GPR158: variants seen among roughly 807,000 people sequenced by gnomAD.
GPR158 encodes metabotropic glycine receptor.
A neutral mutation model predicts 78.2 loss-of-function variants in GPR158; 30 were observed. The ratio of observed to expected loss-of-function variants is 0.38; its 90% CI spans 0.29 to 0.52. The LOEUF (loss-of-function observed/expected upper bound fraction) is 0.52, where lower values mean the gene tolerates loss of function less well. Ranked by LOEUF, GPR158 falls within the 20% of genes least tolerant of loss-of-function variation. The pLI is 0.83. For synonymous variants in GPR158, 581 were observed against 591.1 expected (o/e 0.98, Z 0.25); for missense variants, 1,463 against 1,523.5 (o/e 0.96, Z 0.66).
At chr10:25,399,425 A>G (rs961916604) in intron 3 of GPR158, among the ~76,000 whole-genome samples, 3 of 152,124 alleles carry the variant, frequency 2.0e-5, no homozygotes, top group African/African-American at 7.2e-5. Flanking sequence ...CCTAATGTGA[A>G]CTGCATTTGT....
intron 4 of GPR158, among the ~76,000 whole-genome samples, chr10:25,414,124 T>C (rs1274071397): frequency 1.3e-5 from 2 of 152,200 alleles, no homozygotes; most frequent in East Asian, 3.8e-4. Context: ...TTTTAATTGA[T>C]TTTGATAATT....
chr10:25,485,866 AC>A (rs1835728282), intron 5 of GPR158, among the ~76,000 whole-genome samples: 3 of 152,150 alleles, frequency 2.0e-5, no homozygotes, highest in Middle Eastern at 3.4e-3. Context: ...TGAAAACCTA[AC>A]CCCCAAGATC....
intron 2 of GPR158, among the ~76,000 whole-genome samples, chr10:25,246,782 G>A (rs1853695979): frequency 6.6e-6 from 1 of 152,182 alleles, no homozygotes. Context: ...ACTGCTTTAT[G>A]CAGCTGATTG....
At chr10:25,296,048 G>A (rs1270910467) in intron 2 of GPR158, among the ~76,000 whole-genome samples, 3 of 88,486 alleles carry the variant, frequency 3.4e-5, no homozygotes, top group Admixed American at 9.8e-5. Context: ...AGCAGGGGCA[G>A]GGAGGAAAAA....
chr10:25,175,650 A>C lies in GPR158; in HGVS notation c.230A>C (p.Glu77Ala). 6.2e-7 allele frequency: 1 copy of C among 1,611,404 alleles called. No homozygotes were observed. The highest frequency in any genetic ancestry group is 2.2e-5 in the East Asian group (1 of 44,824). ...ATCTTGGCGCAGAAACTCGCCGAGGAGGTGCCCATGGACGTGGCCTCTTAC... is the reference window on the plus strand; with the variant it reads ...ATCTTGGCGCAGAAACTCGCCGAGGCGGTGCCCATGGACGTGGCCTCTTAC... ...GTILAQKLAE[E>A]VPMDVASYLY... Residue 77 changes from glutamate to alanine, a missense_variant, in exon 1 of 11, where the codon GAG becomes GCG. Transcript: ENST00000376351. The surrounding 1 kb of genome is among the most constrained non-coding windows in gnomAD (Gnocchi z 6.4).
intron 2 of GPR158, among the ~76,000 whole-genome samples, chr10:25,306,856 C>T (rs180907381): frequency 5.9e-5 from 9 of 152,160 alleles, no homozygotes; most frequent in Admixed American, 2.6e-4. Context: ...TCTAGTGTGT[C>T]TTCTTGCTTA....
chr10:25,483,505 G>A (rs968870317), intron 5 of GPR158, among the ~76,000 whole-genome samples: 1 of 151,974 alleles, frequency 6.6e-6, no homozygotes, highest in African/African-American at 2.4e-5. Context: ...TTTTTGCATA[G>A]AATTGATCGT....
At chr10:25,180,740 G>C (rs1252659663) in intron 1 of GPR158, among the ~76,000 whole-genome samples, 1 of 152,068 alleles carries the variant, frequency 6.6e-6, no homozygotes, top group Non-Finnish European at 1.5e-5. Flanking sequence ...TATCCACATG[G>C]TCAACAAATA....
chr10:25,338,564 G>GTATATTATTATATCTAATACATATTATA (rs1855257676), intron 2 of GPR158, among the ~76,000 whole-genome samples: 1 of 130,542 alleles, frequency 7.7e-6, no homozygotes, highest in Non-Finnish European at 1.7e-5. Flanking sequence ...AATACGTATT[G>GTATATTATTATATCTAATACATATTATA]TATATTATTA....
At chr10:25,358,771 A>G (rs1021447311) in intron 2 of GPR158, among the ~76,000 whole-genome samples, 1 of 152,010 alleles carries the variant, frequency 6.6e-6, no homozygotes, top group African/African-American at 2.4e-5. Flanking sequence ...GAACTCCCAG[A>G]TTTTTCTGGA....
intron 2 of GPR158, among the ~76,000 whole-genome samples, chr10:25,229,529 A>G (rs1853420326): frequency 6.6e-6 from 1 of 152,088 alleles, no homozygotes. Flanking sequence ...CATTTCTTTA[A>G]TCTTTAAAGC....
intron 6 of GPR158, 52 bp from the exon 7 acceptor site, chr10:25,572,597 A>T: frequency 8.9e-7 from 1 of 1,117,428 alleles, no homozygotes; most frequent in Non-Finnish European, 1.4e-6. Flanking sequence ...TTTTAGAGTT[A>T]TACTTTCTGA....
chr10:25,534,586 C>CAA lies in GPR158; in HGVS notation c.1405-16373_1405-16372dup, dbSNP rs57381468. On this transcript the variant is annotated intron_variant, in intron 5 of 10. Coordinates refer to ENST00000376351, the MANE Select transcript of GPR158 (RefSeq NM_020752.3). ...TACAACCCCGTCTCTACTAAAAATG[C>CAA]AAAAAAAAAAAAAAAAAATTAGCTG... Among the ~76,000 whole-genome samples the CAA allele has an allele frequency of 7.1e-3, 787 of 110,164 alleles. 12 individuals carry two copies. Among genetic ancestry groups the CAA allele is most frequent in the African/African-American group, 0.022 (758 of 34,734 alleles). 72.3% of individuals were successfully genotyped at this position (110,164 alleles called of 152,430 possible).
At position 25,443,567 on chromosome 10, in the gene GPR158, A is replaced by G. The variant is rs867511355; in HGVS notation, c.1336-23084A>G. Among the ~76,000 whole-genome samples, 83 of 151,040 alleles carry G rather than the reference A, an allele frequency of 5.5e-4. 1 individual carries two copies. The highest frequency in any genetic ancestry group is 1.9e-3 in the African/African-American group (80 of 41,102). On this transcript the variant is annotated intron_variant, in intron 4 of 10. Coordinates refer to ENST00000376351, the MANE Select transcript of GPR158 (RefSeq NM_020752.3). ...GAGAGACTGTTTCAAAAAAAAAAAA[A>G]AAAAAATTTTTTTTTTTTTTGTAGA...
intron 4 of GPR158, among the ~76,000 whole-genome samples, chr10:25,415,873 G>A (rs1834651418): frequency 6.6e-6 from 1 of 152,038 alleles, no homozygotes; most frequent in East Asian, 1.9e-4. Flanking sequence ...TACCACTAAT[G>A]AGTTCAGGGT....
intron 7 of GPR158, among the ~76,000 whole-genome samples, chr10:25,582,184 C>T (rs576611263): frequency 1.1e-4 from 16 of 152,282 alleles, no homozygotes; most frequent in South Asian, 8.3e-4. Flanking sequence ...GGTGGGGACA[C>T]AGCCAAACCA....
chr10:25,425,998 G>A (rs1339021755), intron 4 of GPR158, among the ~76,000 whole-genome samples: 1 of 152,000 alleles, frequency 6.6e-6, no homozygotes, highest in African/African-American at 2.4e-5. Context: ...TGTTCTTTAT[G>A]TTTTCTCTCT....
chr10:25,563,930 A>G (rs1836893291), intron 6 of GPR158, among the ~76,000 whole-genome samples: 1 of 151,918 alleles, frequency 6.6e-6, no homozygotes, highest in East Asian at 1.9e-4. Flanking sequence ...TATGGACCCT[A>G]TAATCTTGTT....
chr10:25,263,729 G>C (rs765988135), intron 2 of GPR158, among the ~76,000 whole-genome samples: 3 of 152,086 alleles, frequency 2.0e-5, no homozygotes, highest in Non-Finnish European at 4.4e-5. Flanking sequence ...CTGAGGTCAA[G>C]AGTTCGAGAC....
Sources: gnomAD v4.1 joint callset for allele counts (sites outside exome capture counted in the v4.1 genomes callset) on GRCh38, gnomAD v4.1.1 for gene constraint, Gnocchi (gnomAD v3.1) non-coding constraint, MANE v1.5 for transcripts, NCBI Gene and HGNC (gene_info 2026-07-23, HGNC 2026-07-21) for gene names.